The following PIAS2 variants were observed in gnomAD, a reference collection of about 807,000 sequenced individuals.
The protein encoded by PIAS2 is E3 SUMO-protein ligase PIAS2.
In PIAS2, 19 loss-of-function variants were observed where a neutral mutation model predicts 69.7. The observed-to-expected ratio is 0.27, with a 90% CI of 0.19 to 0.40. The LOEUF is 0.40. PIAS2 is among the 10% of genes least tolerant of loss of function. The probability of loss-of-function intolerance (pLI) is 1.00; values close to 1 mark genes in which losing one functional copy is unlikely to be tolerated. For synonymous variants in PIAS2, 261 were observed against 263.2 expected, an observed-to-expected ratio of 0.99 and a Z score of 0.08; for missense variants, 624 against 757.0, an observed-to-expected ratio of 0.82 and a Z score of 2.06.
upstream of PIAS2, chr18:46,917,619 C>A (rs1330884972): frequency 9.8e-5 from 90 of 920,798 alleles, no homozygotes; most frequent in Admixed American, 1.2e-4. Context: ...GCGGCGACAG[C>A]GCCCGCCCGC....
At chr18:46,877,448 C>T (rs1406366196) in intron 2 of PIAS2, among the ~76,000 whole-genome samples, 2 of 152,134 alleles carry the variant, frequency 1.3e-5, no homozygotes, top group South Asian at 2.1e-4. Flanking sequence ...CACATCTCTT[C>T]CTTATTTGGA....
At chr18:46,816,490 T>C (rs1472155640) in intron 12 of PIAS2, 1 of 966,462 alleles carries the variant, frequency 1.0e-6, no homozygotes, top group East Asian at 1.1e-4. Context: ...TTTTCCTTTT[T>C]TTGGGAGACA....
At chr18:46,884,478 A>C (rs71355036) in intron 2 of PIAS2, among the ~76,000 whole-genome samples, 1 of 151,946 alleles carries the variant, frequency 6.6e-6, no homozygotes, top group Admixed American at 6.6e-5. Context: ...ACGCCGGCTA[A>C]TTTTTTGTGT....
rs116426062 is a variant in PIAS2, at chr18:46,862,436, A to G, written c.584+1728T>C. ...TTACTATCATCTCAAAGAGTGTTCTAATTAATATCTGAAAAGGAAGTAAAC... is the reference window on the plus strand; with the variant it reads ...TTACTATCATCTCAAAGAGTGTTCTGATTAATATCTGAAAAGGAAGTAAAC... On this transcript the variant is annotated intron_variant, in intron 3 of 13. Transcript: ENST00000585916. Among the ~76,000 whole-genome samples, 589 of 152,300 alleles carry G rather than the reference A, an allele frequency of 3.9e-3. 2 individuals carry two copies. The highest frequency in any genetic ancestry group is 0.013 in the African/African-American group (558 of 41,552).
chr18:46,855,038 A>G (rs2145431543), intron 5 of PIAS2, among the ~76,000 whole-genome samples: 1 of 141,974 alleles, frequency 7.0e-6, no homozygotes, highest in South Asian at 2.5e-4. Flanking sequence ...AGGCTGAGGT[A>G]GGAGGATTGC....
At chr18:46,889,254 G>A (rs1024554793) in intron 2 of PIAS2, among the ~76,000 whole-genome samples, 2 of 152,278 alleles carry the variant, frequency 1.3e-5, no homozygotes, top group African/African-American at 4.8e-5. Context: ...ATGAAAAAAT[G>A]TTAAGTTGTA....
chr18:46,817,327 T>C (rs2041666468), intron 12 of PIAS2: 12 of 982,556 alleles, frequency 1.2e-5, no homozygotes, highest in Admixed American at 6.2e-5. Context: ...TGTTCAACTA[T>C]TTCAATTTCA....
chr18:46,816,986 C>T, intron 12 of PIAS2: 6 of 922,274 alleles, frequency 6.5e-6, no homozygotes, highest in Non-Finnish European at 6.5e-6. Flanking sequence ...TTTGTCTAGC[C>T]CTTGTAATAC....
chr18:46,830,804 A>C (rs1262269235), intron 9 of PIAS2, among the ~76,000 whole-genome samples: 1 of 152,162 alleles, frequency 6.6e-6, no homozygotes, highest in African/African-American at 2.4e-5. Flanking sequence ...ATTCTACCAA[A>C]TATTTGAGGA....
chr18:46,878,443 T>C (rs1225964328), intron 2 of PIAS2, among the ~76,000 whole-genome samples: 1 of 152,210 alleles, frequency 6.6e-6, no homozygotes, highest in Non-Finnish European at 1.5e-5. Flanking sequence ...GACATTTAGG[T>C]CAAAAATTAA....
At chr18:46,828,275 C>A in intron 10 of PIAS2, 145 bp from the exon 11 acceptor site, 1 of 618,298 alleles carries the variant, frequency 1.6e-6, no homozygotes, top group Non-Finnish European at 2.6e-6. Flanking sequence ...GGACAAATAC[C>A]AACTCCCTAA....
chr18:46,911,602 A>G (rs1433026297), intron 1 of PIAS2, among the ~76,000 whole-genome samples: 1 of 152,222 alleles, frequency 6.6e-6, no homozygotes. Context: ...TTCTATAGTA[A>G]CTAATACTCA....
rs112628118 is a variant in PIAS2, at chr18:46,891,934, G to A, written c.25-880C>T. Among the ~76,000 whole-genome samples the A allele has an allele frequency of 3.3e-3, 509 of 152,160 alleles. 1 individual carries two copies. Among genetic ancestry groups the A allele is most frequent in the African/African-American group, 0.012 (489 of 41,516 alleles). ...TTTCCAGTCAATTCTGAACTCAGAG[G>A]CAAATCACACTTGGGTCAGATACCA... is the stretch of plus-strand genomic sequence containing the variant. On this transcript the variant is annotated intron_variant, in intron 1 of 13. Coordinates refer to ENST00000585916, the MANE Select transcript of PIAS2 (RefSeq NM_004671.5).
intron 12 of PIAS2, among the ~76,000 whole-genome samples, chr18:46,819,552 T>C (rs568222410): frequency 1.3e-5 from 2 of 152,272 alleles, no homozygotes; most frequent in East Asian, 3.9e-4. Flanking sequence ...GGCAAAATTA[T>C]ACCGAGCCAA....
chr18:46,807,143 T>C lies in PIAS2; in HGVS notation c.*5290A>G. ...GGCTTTGGGGAGCTCAGAAAGGCCA[T>C]AATGGGGCCTACAGGAAGAGGAAAA... is the stretch of plus-strand genomic sequence containing the variant. On this transcript the variant is annotated 3_prime_UTR_variant, in exon 14 of 14. Transcript: ENST00000585916. The C allele has an allele frequency of 6.6e-6, 1 of 151,288 alleles. No homozygotes were observed. Among genetic ancestry groups the C allele is most frequent in the Admixed American group, 6.6e-5 (1 of 15,192 alleles). 9.4% of individuals were successfully genotyped at this position (151,288 alleles called of 1,614,324 possible).
chr18:46,881,720 C>T (rs2052296712), intron 2 of PIAS2, among the ~76,000 whole-genome samples: 1 of 152,192 alleles, frequency 6.6e-6, no homozygotes, highest in South Asian at 2.1e-4. Context: ...CTACTTGCTA[C>T]TTATTTCGAA....
chr18:46,917,029 G>A, intron 1 of PIAS2: 12 of 987,596 alleles, frequency 1.2e-5, no homozygotes, highest in Non-Finnish European at 1.4e-5. Context: ...GGGTCCCCAT[G>A]TGCCCCTCCT....
chr18:46,913,123 AT>A, intron 1 of PIAS2, among the ~76,000 whole-genome samples: 1 of 152,292 alleles, frequency 6.6e-6, no homozygotes, highest in South Asian at 2.1e-4. Context: ...TATCATAGCT[AT>A]TAGTCTGTAT....
rs532572757 is a variant in PIAS2 at position 46,862,546 on chromosome 18, T to C, written c.584+1618A>G. Among the ~76,000 whole-genome samples the C allele has an allele frequency of 2.7e-3, 404 of 152,276 alleles. 3 individuals carry two copies. Among genetic ancestry groups the C allele is most frequent in the African/African-American group, 9.4e-3 (391 of 41,566 alleles). On this transcript the variant is annotated intron_variant, in intron 3 of 13. Transcript: ENST00000585916. ...TAACCTCCCAGAAGCCTTAGTTTTA[T>C]CATGCTGAATCTTTTAAGAATGCAA...
Sources: allele counts gnomAD v4.1 joint callset (sites outside exome capture counted in the v4.1 genomes callset), GRCh38; gene constraint gnomAD v4.1.1; transcripts MANE v1.5; gene names NCBI Gene and HGNC (gene_info 2026-07-23, HGNC 2026-07-21).